The following ATM variants were observed in gnomAD, a reference collection of about 807,000 sequenced individuals.
ATM encodes ATM serine/threonine kinase.
ATM carries 308 observed loss-of-function variants against 387.0 expected under a neutral mutation model. The ratio of observed to expected loss-of-function variants is 0.80; its 90% CI spans 0.73 to 0.87. The LOEUF (loss-of-function observed/expected upper bound fraction) is 0.87, where lower values mean the gene tolerates loss of function less well. Ranked by LOEUF, ATM falls within the 40% of genes least tolerant of loss-of-function variation. The pLI is 0.00. For missense variants in ATM, 3,312 were observed against 3,560.9 expected (o/e 0.93, Z 1.78); for synonymous variants, 1,156 against 1,187.3 (o/e 0.97, Z 0.54).
intron 18 of ATM, among the ~76,000 whole-genome samples, chr11:108,269,501 TACTAGCAGTTA>T (rs1317283398): frequency 6.6e-6 from 1 of 152,190 alleles, no homozygotes; most frequent in Non-Finnish European, 1.5e-5. Context: ...TAAATTGCTT[TACTAGCAGTTA>T]AAAAAAACAC....
At chr11:108,260,875 G>T (rs1341608332) in intron 16 of ATM, among the ~76,000 whole-genome samples, 2 of 152,338 alleles carry the variant, frequency 1.3e-5, no homozygotes, top group Non-Finnish European at 2.9e-5. Context: ...AAGAAAGGGG[G>T]GACGGACGGC....
intron 22 of ATM, among the ~76,000 whole-genome samples, chr11:108,276,541 T>C (rs1176800566): frequency 2.0e-5 from 3 of 152,156 alleles, no homozygotes; most frequent in Non-Finnish European, 4.4e-5. Flanking sequence ...TTGTATGGGG[T>C]TTCTGTGTGG....
intron 22 of ATM, among the ~76,000 whole-genome samples, chr11:108,278,261 A>G (rs1334481181): frequency 6.6e-6 from 1 of 152,248 alleles, no homozygotes; most frequent in Non-Finnish European, 1.5e-5. Flanking sequence ...TAGTAAGACC[A>G]TAATGCATTG....
chr11:108,335,337 AC>A (rs2086720739), intron 55 of ATM: 7 of 1,381,566 alleles, frequency 5.1e-6, no homozygotes, highest in Non-Finnish European at 6.8e-6. Flanking sequence ...GTAAAAGAAT[AC>A]CATTAACATG....
At chr11:108,355,920 C>A (rs2137398366) in intron 61 of ATM, 1 of 152,298 alleles carries the variant, frequency 6.6e-6, no homozygotes, top group Non-Finnish European at 1.5e-5. Flanking sequence ...CTTTATAGAT[C>A]TCCTTTGGAC....
intron 34 of ATM, among the ~76,000 whole-genome samples, chr11:108,300,970 G>T (rs2083400325): frequency 6.9e-6 from 1 of 144,284 alleles, no homozygotes; most frequent in South Asian, 2.2e-4. Context: ...GATCATAGCT[G>T]ACTGTAACCC....
intron 61 of ATM, among the ~76,000 whole-genome samples, chr11:108,359,408 A>G (rs2137581171): frequency 6.6e-6 from 1 of 152,272 alleles, no homozygotes; most frequent in East Asian, 1.9e-4. Flanking sequence ...GTCAACAAGG[A>G]TACCCAGGAA....
intron 5 of ATM, among the ~76,000 whole-genome samples, 167 bp from the exon 6 acceptor site, chr11:108,243,786 A>T (rs1454968362): frequency 6.6e-6 from 1 of 152,202 alleles, no homozygotes; most frequent in Non-Finnish European, 1.5e-5. Flanking sequence ...TTTATATAAG[A>T]TAAAATTAAA....
At chr11:108,275,581 T>C (rs1565433193) in intron 22 of ATM, among the ~76,000 whole-genome samples, 1 of 152,232 alleles carries the variant, frequency 6.6e-6, no homozygotes, top group Non-Finnish European at 1.5e-5. Flanking sequence ...TCTCAGCATT[T>C]GCTTGTCTAT....
At chr11:108,248,324 G>C (rs1374888727) in intron 8 of ATM, among the ~76,000 whole-genome samples, 1 of 151,920 alleles carries the variant, frequency 6.6e-6, no homozygotes. Flanking sequence ...TTAAAAACTT[G>C]AATCCCTTTG....
chr11:108,282,634 T>C (rs1160319267), intron 24 of ATM, 76 bp from the exon 25 acceptor site: 4 of 1,404,422 alleles, frequency 2.8e-6, no homozygotes, highest in Admixed American at 1.8e-5. Context: ...GGTCCTACTC[T>C]AAATAATATT....
At chr11:108,354,070 A>AACACACACACACACACAC (rs71047689) in intron 60 of ATM, among the ~76,000 whole-genome samples, 190 bp downstream of exon 60, 8 of 114,930 alleles carry the variant, frequency 7.0e-5, no homozygotes, top group South Asian at 6.0e-4. Context: ...CACACACACA[A>AACACACACACACACACAC]ACACACACAC....
intron 16 of ATM, among the ~76,000 whole-genome samples, chr11:108,260,695 A>G (rs1706942763): frequency 6.6e-6 from 1 of 152,204 alleles, no homozygotes; most frequent in Non-Finnish European, 1.5e-5. Context: ...ACGACGCAGA[A>G]GACGGGTGAT....
At chr11:108,251,763 G>C in intron 10 of ATM, 74 bp from the exon 11 acceptor site, 2 of 1,396,398 alleles carry the variant, frequency 1.4e-6, no homozygotes, top group Non-Finnish European at 2.0e-6. Context: ...TATGTGCCAG[G>C]CACTGTCCTG....
intron 56 of ATM, chr11:108,340,122 C>T (rs960878228): frequency 3.3e-5 from 5 of 152,040 alleles, no homozygotes; most frequent in African/African-American, 4.8e-5. Flanking sequence ...ACCACCTTCA[C>T]TTGGTTGCTC....
At chr11:108,297,452 C>CAG in intron 33 of ATM, 70 bp downstream of exon 33, 1 of 1,260,764 alleles carries the variant, frequency 7.9e-7, no homozygotes, top group Non-Finnish European at 1.2e-6. Context: ...GATTATAATA[C>CAG]TGTATTTTTA....
At chr11:108,322,945 A>G (rs1252534049) in intron 45 of ATM, among the ~76,000 whole-genome samples, 1 of 151,846 alleles carries the variant, frequency 6.6e-6, no homozygotes, top group African/African-American at 2.4e-5. Context: ...ATGACAAAGT[A>G]AAGTGTTTTG....
At chr11:108,348,522 T>G (rs560029164) in intron 59 of ATM, among the ~76,000 whole-genome samples, 10 of 151,856 alleles carry the variant, frequency 6.6e-5, no homozygotes, top group African/African-American at 2.4e-4. Context: ...TATTTTGAAG[T>G]ATTAATGGGA....
In ATM at chr11:108,343,465, T is replaced by G; in HGVS notation, c.8418+94T>G. ...AGATATTATAGAATACAAAAAAACT[T>G]TAATTTCATCAGGTAATTGTCAAAG... is the stretch of plus-strand genomic sequence containing the variant. On this transcript the variant is annotated intron_variant, in intron 57 of 62. Coordinates refer to ENST00000675843, the MANE Select transcript of ATM (RefSeq NM_000051.4). 5 of 1,463,728 alleles carry G rather than the reference T, an allele frequency of 3.4e-6. No individual in the cohort carries two copies. The African/African-American group carries it at 4.3e-5, about 12-fold the overall frequency. The allele number at this position is 1,463,728 out of a possible 1,614,324, so 90.7% of individuals were successfully genotyped here.
Sources: gnomAD v4.1 joint callset for allele counts (sites outside exome capture counted in the v4.1 genomes callset) on GRCh38, gnomAD v4.1.1 for gene constraint, MANE v1.5 for transcripts, NCBI Gene and HGNC (gene_info 2026-07-23, HGNC 2026-07-21) for gene names.